The following MGAT5 variants were observed in gnomAD, a reference collection of about 807,000 sequenced individuals.
The protein encoded by MGAT5 is alpha-1,6-mannosylglycoprotein 6-beta-N-acetylglucosaminyltransferase A.
Under a neutral mutation model 94.3 loss-of-function variants are expected in MGAT5, and 30 were observed. That is an observed-to-expected ratio of 0.32 (90% CI 0.24 to 0.43). The LOEUF (loss-of-function observed/expected upper bound fraction) is 0.43. Among genes scored for constraint, MGAT5 ranks in the 20% least tolerant of loss-of-function variants. The pLI, the probability that MGAT5 is intolerant of heterozygous loss-of-function variation, is 1.00. For synonymous variants in MGAT5, 310 were observed against 322.9 expected, an observed-to-expected ratio of 0.96 and a Z score of 0.43; for missense variants, 691 against 905.5, an observed-to-expected ratio of 0.76 and a Z score of 3.04.
intron 4 of MGAT5, 143 bp from the exon 5 acceptor site, chr2:134,336,074 A>ATTTT (rs1288146558): frequency 3.2e-6 from 2 of 633,884 alleles, no homozygotes; most frequent in East Asian, 5.7e-5. Context: ...TACTAGCTAA[A>ATTTT]AGCATGGGAA....
intron 12 of MGAT5, among the ~76,000 whole-genome samples, chr2:134,420,641 G>T (rs1415504051): frequency 1.3e-5 from 2 of 151,978 alleles, no homozygotes; most frequent in African/African-American, 2.4e-5. Context: ...AGGAGAGCCA[G>T]CTTGACCTCC....
At chr2:134,299,779 T>C (rs1277041748) in intron 2 of MGAT5, among the ~76,000 whole-genome samples, 2 of 152,178 alleles carry the variant, frequency 1.3e-5, no homozygotes, top group African/African-American at 4.8e-5. Flanking sequence ...TTTAATCCCA[T>C]AGTCCATGTC....
intron 1 of MGAT5, among the ~76,000 whole-genome samples, chr2:134,195,770 G>A (rs1258238630): frequency 6.6e-6 from 1 of 152,170 alleles, no homozygotes. Flanking sequence ...GAAGAACTTG[G>A]AAAAACTTCT....
chr2:134,318,703 T>A lies in MGAT5; in HGVS notation c.537T>A (p.Asp179Glu), dbSNP rs761870385. The A allele has an allele frequency of 6.2e-7, 1 of 1,613,586 alleles. No individual in the cohort carries two copies. The highest frequency in any genetic ancestry group is 8.5e-7 in the Non-Finnish European group (1 of 1,179,582). Residue 179 changes from aspartate to glutamate, a missense_variant, in exon 4 of 16, where the codon GAT (aspartate) becomes GAA (glutamate). Asp to Glu is a conservative substitution (Grantham distance 45, BLOSUM62 2). Coordinates refer to ENST00000281923, the MANE Select transcript of MGAT5 (RefSeq NM_002410.5). ...CCTGCTACGCAGACTATGGAGTGGA[T>A]GGATCCACCTGCTCTTTTTTTATTT... ...SDPCYADYGV[D>E]GSTCSFFIYL... is the part of the protein sequence containing the mutation.
intron 10 of MGAT5, among the ~76,000 whole-genome samples, chr2:134,381,330 CATAGATAG>C (rs10637591): frequency 3.2e-4 from 22 of 67,868 alleles, no homozygotes; most frequent in South Asian, 1.4e-3. Context: ...AGACCTGTCT[CATAGATAG>C]ATAGATAGAT....
intron 2 of MGAT5, among the ~76,000 whole-genome samples, chr2:134,312,278 T>C (rs976541240): frequency 2.0e-5 from 3 of 152,066 alleles, no homozygotes; most frequent in African/African-American, 7.2e-5. Context: ...CATACAACCA[T>C]AAACCTCTCT....
intron 1 of MGAT5, among the ~76,000 whole-genome samples, chr2:134,256,787 AAAC>A (rs1682990718): frequency 6.6e-6 from 1 of 152,246 alleles, no homozygotes; most frequent in Non-Finnish European, 1.5e-5. Context: ...TTTTTCTCAA[AAAC>A]AACAAAGAAA....
At chr2:134,149,712 A>G (rs1687087220) in intron 1 of MGAT5, among the ~76,000 whole-genome samples, 1 of 152,152 alleles carries the variant, frequency 6.6e-6, no homozygotes, top group African/African-American at 2.4e-5. Context: ...GCAGGAAACA[A>G]TTCACCTCAG....
intron 1 of MGAT5, among the ~76,000 whole-genome samples, chr2:134,189,607 T>TTTTTTTTTTTTTTGTTTG (rs1553490420): frequency 3.7e-5 from 3 of 80,616 alleles, no homozygotes; most frequent in Non-Finnish European, 7.0e-5. Flanking sequence ...TTTTTGTTTT[T>TTTTTTTTTTTTTTGTTTG]TTTTTTTTTT....
chr2:134,316,134 T>C (rs1686983650), intron 2 of MGAT5, among the ~76,000 whole-genome samples: 1 of 152,134 alleles, frequency 6.6e-6, no homozygotes. Flanking sequence ...GAGAAGCATA[T>C]AGGTTTAGGG....
intron 2 of MGAT5, among the ~76,000 whole-genome samples, chr2:134,280,621 G>A (rs1205635376): frequency 6.6e-6 from 1 of 152,190 alleles, no homozygotes; most frequent in East Asian, 1.9e-4. Context: ...AGAGAAAAGT[G>A]GACACCCAGT....
At chr2:134,290,601 A>G (rs1263153999) in intron 2 of MGAT5, among the ~76,000 whole-genome samples, 1 of 152,200 alleles carries the variant, frequency 6.6e-6, no homozygotes, top group Non-Finnish European at 1.5e-5. Context: ...TTGGACATGC[A>G]TCCTCCATGG....
At position 134,254,496 on chromosome 2, in the gene MGAT5, C is replaced by T. The variant is rs1249650523; in HGVS notation, c.93C>T (p.His31=). 1.9e-6 allele frequency: 3 copies of T among 1,614,216 alleles called. No individual in the cohort carries two copies. Among genetic ancestry groups the T allele is most frequent in the Non-Finnish European group, 8.5e-7 (1 of 1,180,040 alleles). The part of the protein sequence containing the change: ...FGFIWGMMLL[H]FTIQQRTQPE... ...TCATTTGGGGTATGATGCTTCTGCA[C>T]TTTACCATCCAGCAGCGAACTCAGC... is the stretch of plus-strand genomic sequence containing the variant. The change falls in exon 1 of 16, where the codon CAC becomes CAT. Residue 31 remains histidine (H), a synonymous_variant. Transcript: ENST00000281923.
At chr2:134,242,741 T>G (rs1368024014) in intron 1 of MGAT5, among the ~76,000 whole-genome samples, 1 of 152,226 alleles carries the variant, frequency 6.6e-6, no homozygotes, top group Non-Finnish European at 1.5e-5. Context: ...GAGGTGCTAG[T>G]TGCTAAAAGC....
chr2:134,226,540 T>C, intron 1 of MGAT5, among the ~76,000 whole-genome samples: 1 of 152,198 alleles, frequency 6.6e-6, no homozygotes, highest in East Asian at 1.9e-4. Context: ...GATGAAATTG[T>C]ATAGTTATTT....
At chr2:134,357,398 T>C (rs1679815312) in intron 9 of MGAT5, among the ~76,000 whole-genome samples, 1 of 152,202 alleles carries the variant, frequency 6.6e-6, no homozygotes, top group Non-Finnish European at 1.5e-5. Context: ...ATTTGCATGA[T>C]CAAATTGAAT....
At chr2:134,284,928 T>C (rs1168113509) in intron 2 of MGAT5, among the ~76,000 whole-genome samples, 2 of 152,222 alleles carry the variant, frequency 1.3e-5, no homozygotes, top group African/African-American at 4.8e-5. Flanking sequence ...AGTCCACACC[T>C]TTCTGGCCAT....
At chr2:134,233,390 C>T (rs1681468458) in intron 1 of MGAT5, among the ~76,000 whole-genome samples, 1 of 152,186 alleles carries the variant, frequency 6.6e-6, no homozygotes, top group Admixed American at 6.5e-5. Context: ...AGGAATTGGG[C>T]TAGTCTGCTT....
chr2:134,412,825 C>A, intron 11 of MGAT5, 44 bp from the exon 12 acceptor site: 2 of 1,604,046 alleles, frequency 1.2e-6, no homozygotes, highest in South Asian at 1.1e-5. Flanking sequence ...GCCTGATGGT[C>A]CTGCCTGATG....
Sources: gnomAD v4.1 joint callset for allele counts (sites outside exome capture counted in the v4.1 genomes callset) on GRCh38, gnomAD v4.1.1 for gene constraint, MANE v1.5 for transcripts, NCBI Gene and HGNC (gene_info 2026-07-23, HGNC 2026-07-21) for gene names.